Variants in IL23R observed in about 807,000 individuals in gnomAD.
IL23R encodes the protein interleukin-23 receptor.
In IL23R, 34 loss-of-function variants were observed where a neutral mutation model predicts 56.9. The observed-to-expected ratio is 0.60, with a 90% confidence interval of 0.45 to 0.80. The LOEUF is 0.80. Among genes scored for constraint, IL23R ranks in the 30% least tolerant of loss-of-function variants. The pLI, the probability that IL23R is intolerant of heterozygous loss-of-function variation, is 0.00. For synonymous variants in IL23R, 230 were observed against 249.2 expected, an observed-to-expected ratio of 0.92 and a Z score of 0.73; for missense variants, 635 against 730.0, an observed-to-expected ratio of 0.87 and a Z score of 1.50.
At chr1:67,188,010 C>A (rs1647469224) in intron 4 of IL23R, among the ~76,000 whole-genome samples, 1 of 152,090 alleles carries the variant, frequency 6.6e-6, no homozygotes, top group Non-Finnish European at 1.5e-5. Flanking sequence ...TGAGTTCATG[C>A]CATTGCACTC....
chr1:67,145,412 T>C (rs1202350557), intron 1 of IL23R, among the ~76,000 whole-genome samples: 1 of 152,218 alleles, frequency 6.6e-6, no homozygotes, highest in Non-Finnish European at 1.5e-5. Context: ...TACTTAACAC[T>C]AAGTATGAAC....
intron 4 of IL23R, among the ~76,000 whole-genome samples, chr1:67,190,687 T>A (rs1221578821): frequency 6.6e-6 from 1 of 152,210 alleles, no homozygotes; most frequent in East Asian, 1.9e-4. Context: ...GGAATTGTAT[T>A]AAACTGTAGA....
At chr1:67,219,470 A>T in intron 6 of IL23R, 104 bp from the exon 7 acceptor site, 1 of 1,076,898 alleles carries the variant, frequency 9.3e-7, no homozygotes, top group Non-Finnish European at 1.4e-6. Context: ...CCTAGAGTCT[A>T]GAAGACAGCT....
intron 1 of IL23R, among the ~76,000 whole-genome samples, chr1:67,160,756 A>G (rs998245512): frequency 3.4e-4 from 52 of 152,032 alleles, no homozygotes; most frequent in Admixed American, 2.0e-3. Flanking sequence ...ATCATAGCTC[A>G]CTGCAGCCTT....
At chr1:67,252,867 G>A (rs1321538747) in intron 9 of IL23R, among the ~76,000 whole-genome samples, 3 of 151,968 alleles carry the variant, frequency 2.0e-5, no homozygotes, top group Admixed American at 2.0e-4. Context: ...GAAACAGCTG[G>A]TTGGTTACAG....
upstream of IL23R, among the ~76,000 whole-genome samples, chr1:67,165,701 T>C (rs564752932): frequency 3.1e-3 from 465 of 152,328 alleles, no homozygotes; most frequent in Non-Finnish European, 5.2e-3. Flanking sequence ...CTAACTGAAA[T>C]AAGCCAGACA....
At position 67,259,959 on chromosome 1, in the gene IL23R, T is replaced by G. The variant is rs1277095348; in HGVS notation, c.*831T>G. 29 of 103,460 alleles carry G rather than the reference T, an allele frequency of 2.8e-4. No homozygotes were observed. The highest frequency in any genetic ancestry group is 1.5e-3 in the Admixed American group (13 of 8,888). 6.4% of individuals were successfully genotyped at this position (103,460 alleles called of 1,614,324 possible). Reference sequence around the variant, plus strand: ...AGCCTGGGCAACAAGAGCAAAACTCTGTCTGGAAAAAAAAAAAAAAAAAAA... The same window carrying G: ...AGCCTGGGCAACAAGAGCAAAACTCGGTCTGGAAAAAAAAAAAAAAAAAAA... On this transcript the variant is annotated 3_prime_UTR_variant, in exon 11 of 11. Coordinates refer to ENST00000347310, the MANE Select transcript of IL23R (RefSeq NM_144701.3).
chr1:67,170,219 A>G (rs1251372545), intron 3 of IL23R, among the ~76,000 whole-genome samples: 1 of 152,192 alleles, frequency 6.6e-6, no homozygotes, highest in East Asian at 1.9e-4. Context: ...GGCTAATTAT[A>G]CAGGCTGTGT....
At chr1:67,222,352 G>C (rs1020378412) in intron 7 of IL23R, among the ~76,000 whole-genome samples, 1 of 151,972 alleles carries the variant, frequency 6.6e-6, no homozygotes, top group Non-Finnish European at 1.5e-5. Flanking sequence ...CACGACCTCA[G>C]GTGATCCGCC....
chr1:67,219,136 G>A (rs1650072091), intron 6 of IL23R, among the ~76,000 whole-genome samples: 1 of 152,216 alleles, frequency 6.6e-6, no homozygotes, highest in Non-Finnish European at 1.5e-5. Flanking sequence ...GGAGGCCAAG[G>A]TGGGCGGATC....
intron 4 of IL23R, among the ~76,000 whole-genome samples, chr1:67,184,279 C>T (rs1446586292): frequency 6.6e-6 from 1 of 151,398 alleles, no homozygotes; most frequent in Non-Finnish European, 1.5e-5. Context: ...GGCGCGGTGG[C>T]TCCCGCCTGT....
chr1:67,163,624 T>C (rs1646843962), upstream of IL23R, among the ~76,000 whole-genome samples: 1 of 152,134 alleles, frequency 6.6e-6, no homozygotes, highest in Non-Finnish European at 1.5e-5. Context: ...CTCTTGATGA[T>C]GAGAGCGAGT....
chr1:67,222,247 G>A (rs933101779), intron 7 of IL23R, among the ~76,000 whole-genome samples: 1 of 151,152 alleles, frequency 6.6e-6, no homozygotes, highest in African/African-American at 2.4e-5. Context: ...CTACCGAGTA[G>A]CTGGGATTAC....
At chr1:67,217,935 C>T (rs1298137322) in intron 6 of IL23R, among the ~76,000 whole-genome samples, 1 of 150,544 alleles carries the variant, frequency 6.6e-6, no homozygotes, top group Non-Finnish European at 1.5e-5. Context: ...GTAACTTTCT[C>T]TTTCATGAGT....
intron 5 of IL23R, 94 bp from the exon 6 acceptor site, chr1:67,206,816 C>T: frequency 7.8e-7 from 1 of 1,276,168 alleles, no homozygotes; most frequent in Non-Finnish European, 1.1e-6. Flanking sequence ...TTACTTTGAG[C>T]TTTCTCATAT....
At chr1:67,231,312 C>T (rs1437350066) in intron 7 of IL23R, among the ~76,000 whole-genome samples, 1 of 152,188 alleles carries the variant, frequency 6.6e-6, no homozygotes, top group South Asian at 2.1e-4. Context: ...CAATGATATA[C>T]ATCCAAAACC....
At chr1:67,207,167 T>C in intron 6 of IL23R, 112 bp downstream of exon 6, 1 of 1,175,104 alleles carries the variant, frequency 8.5e-7, no homozygotes, top group Non-Finnish European at 1.3e-6. Context: ...AATCTGATTG[T>C]TTGCATGATA....
intron 7 of IL23R, among the ~76,000 whole-genome samples, chr1:67,228,149 T>C (rs1433675643): frequency 1.6e-4 from 20 of 121,838 alleles, no homozygotes; most frequent in Non-Finnish European, 2.6e-4. Context: ...TCTGTCTTTC[T>C]TTTTCCTTCC....
chr1:67,176,134 G>C (rs1309290223), intron 3 of IL23R, among the ~76,000 whole-genome samples: 3 of 152,182 alleles, frequency 2.0e-5, no homozygotes, highest in Admixed American at 1.3e-4. Flanking sequence ...AATGGTTTTG[G>C]TGGAATTGTG....
Sources: allele counts gnomAD v4.1 joint callset (sites outside exome capture counted in the v4.1 genomes callset), GRCh38; gene constraint gnomAD v4.1.1; transcripts MANE v1.5; gene names NCBI Gene and HGNC (gene_info 2026-07-23, HGNC 2026-07-21).